ANKFN1: variants seen among roughly 807,000 people sequenced by gnomAD.
The protein encoded by ANKFN1 is ankyrin repeat and fibronectin type III domain containing 1.
A neutral mutation model predicts 108.7 loss-of-function variants in ANKFN1; 74 were observed. The ratio of observed to expected loss-of-function variants is 0.68; its 90% CI spans 0.56 to 0.83. The LOEUF (loss-of-function observed/expected upper bound fraction) is 0.83. Ranked by LOEUF, ANKFN1 falls within the 40% of genes least tolerant of loss-of-function variation. The pLI is 0.00. For synonymous variants in ANKFN1, 547 were observed against 516.2 expected, an observed-to-expected ratio of 1.06 and a Z score of -0.81; for missense variants, 1,505 against 1,382.3, an observed-to-expected ratio of 1.09 and a Z score of -1.41.
intron 20 of ANKFN1, among the ~76,000 whole-genome samples, chr17:56,500,112 G>A (rs1291362189): frequency 6.6e-6 from 1 of 152,196 alleles, no homozygotes; most frequent in Non-Finnish European, 1.5e-5. Context: ...CAGTTTCCAT[G>A]TATGTAAAAT....
At chr17:56,323,702 G>A (rs1057435170) in intron 3 of ANKFN1, among the ~76,000 whole-genome samples, 1 of 152,128 alleles carries the variant, frequency 6.6e-6, no homozygotes, top group African/African-American at 2.4e-5. Flanking sequence ...ATTACTTGAG[G>A]TGATTTATGT....
intron 8 of ANKFN1, among the ~76,000 whole-genome samples, chr17:56,433,607 C>T (rs1169023568): frequency 2.0e-5 from 3 of 151,984 alleles, no homozygotes; most frequent in East Asian, 1.9e-4. Flanking sequence ...TGTTCTCACT[C>T]ATAAGTGGAA....
upstream of ANKFN1, among the ~76,000 whole-genome samples, chr17:56,149,675 T>C (rs1908478736): frequency 6.6e-6 from 1 of 152,164 alleles, no homozygotes; most frequent in Non-Finnish European, 1.5e-5. Context: ...CCTCCCCAGA[T>C]GAGAAGCCTT....
intron 1 of ANKFN1, among the ~76,000 whole-genome samples, chr17:56,166,719 G>A (rs1234725568): frequency 2.6e-5 from 4 of 152,124 alleles, no homozygotes; most frequent in African/African-American, 9.7e-5. Flanking sequence ...ACTCTCCCTT[G>A]AAGCTGGACA....
intron 4 of ANKFN1, among the ~76,000 whole-genome samples, chr17:56,119,819 A>G (rs891300379): frequency 1.3e-5 from 2 of 152,200 alleles, no homozygotes; most frequent in African/African-American, 4.8e-5. Flanking sequence ...TAATAGCTTT[A>G]AGCTTCAGTT....
Position 56,099,872 on chromosome 17 carries a change from G to T in ANKFN1, c.288+53547G>T, listed in dbSNP as rs544991120. Among the ~76,000 whole-genome samples, 20 of 152,320 alleles carry T rather than the reference G, an allele frequency of 1.3e-4. 1 individual carries two copies. The South Asian group carries it at 4.1e-3, about 32-fold the overall frequency. On this transcript the variant is annotated intron_variant, in intron 4 of 12. Transcript: ENST00000635860. ...TCAAGTACTGGGACTCTAGCCAATG[G>T]GTAACTTTACAGAAGGACATTCACT... is the stretch of plus-strand genomic sequence containing the variant.
At chr17:56,217,562 C>T (rs1315838990) in intron 2 of ANKFN1, among the ~76,000 whole-genome samples, 1 of 152,096 alleles carries the variant, frequency 6.6e-6, no homozygotes, top group South Asian at 2.1e-4. Flanking sequence ...TGGCATGTGG[C>T]AGATAGAGGC....
rs1457881770 is a variant in ANKFN1 at position 56,516,184 on chromosome 17, T to C, written c.*4915T>C. 6.6e-6 allele frequency among the ~76,000 whole-genome samples: 1 copy of C among 152,064 alleles called. No individual in the cohort carries two copies. The highest frequency in any genetic ancestry group is 1.5e-5 in the Non-Finnish European group (1 of 68,018). On this transcript the variant is annotated 3_prime_UTR_variant, in exon 21 of 21. Coordinates refer to ENST00000682825, the MANE Select transcript of ANKFN1 (RefSeq NM_001370326.1). The stretch of plus-strand genomic sequence containing the variant: ...AGTCGCTGTATTGCCTCTTGCCTTG[T>C]GAAAATCAGATGTTTGGGGGTATCC...
At chr17:56,484,596 G>A (rs2050802798) in intron 18 of ANKFN1, among the ~76,000 whole-genome samples, 1 of 152,194 alleles carries the variant, frequency 6.6e-6, no homozygotes, top group African/African-American at 2.4e-5. Flanking sequence ...AAGGTGCTAA[G>A]TCAACATCCA....
intron 4 of ANKFN1, among the ~76,000 whole-genome samples, chr17:56,340,508 T>A (rs566920488): frequency 6.6e-6 from 1 of 152,270 alleles, no homozygotes; most frequent in East Asian, 1.9e-4. Context: ...GGGTTCCAGT[T>A]TCAGTCTTCT....
At chr17:56,343,232 A>G (rs1187507440) in intron 4 of ANKFN1, among the ~76,000 whole-genome samples, 1 of 151,536 alleles carries the variant, frequency 6.6e-6, no homozygotes, top group Non-Finnish European at 1.5e-5. Flanking sequence ...GATTTGCATT[A>G]CTATCTAGTG....
intron 5 of ANKFN1, among the ~76,000 whole-genome samples, chr17:56,352,104 T>C (rs950439725): frequency 6.6e-6 from 1 of 152,204 alleles, no homozygotes; most frequent in Non-Finnish European, 1.5e-5. Context: ...AGGACTTGGC[T>C]GTGGTTAAAT....
chr17:56,448,712 C>G (rs1401859461), intron 10 of ANKFN1, among the ~76,000 whole-genome samples: 5 of 152,124 alleles, frequency 3.3e-5, no homozygotes, highest in Non-Finnish European at 7.3e-5. Context: ...CCAGTTGAGA[C>G]TCGGGGTGCT....
chr17:56,449,142 T>C lies in ANKFN1; in HGVS notation c.1163T>C (p.Leu388Pro), dbSNP rs756122842. The C allele has an allele frequency of 6.2e-7, 1 of 1,613,570 alleles. No individual in the cohort carries two copies. Among genetic ancestry groups the C allele is most frequent in the Admixed American group, 1.7e-5 (1 of 59,986 alleles). Reference protein sequence around the residue: ...HKGQSEVLEGLLQQVRALHQH... With the variant: ...HKGQSEVLEGPLQQVRALHQH... ...GGACAGAGTGAAGTTTTGGAAGGTC[T>C]GCTGCAGCAGGTCCGAGCCCTTCAT... is the stretch of plus-strand genomic sequence containing the variant. Residue 388 changes from leucine (L) to proline (P), a missense_variant, in exon 11 of 21, where the codon CTG (leucine) becomes CCG (proline). Leu to Pro is a moderately conservative substitution (Grantham distance 98). Transcript: ENST00000682825.
chr17:56,491,398 A>G (rs1399900101), intron 18 of ANKFN1, among the ~76,000 whole-genome samples: 2 of 152,168 alleles, frequency 1.3e-5, no homozygotes, highest in African/African-American at 4.8e-5. Flanking sequence ...ACGGTATAAG[A>G]TCAGAGCTGG....
chr17:56,242,912 G>T (rs927896887), intron 3 of ANKFN1, among the ~76,000 whole-genome samples: 9 of 151,688 alleles, frequency 5.9e-5, no homozygotes, highest in African/African-American at 2.2e-4. Flanking sequence ...ATCTTTTTCT[G>T]CCTCTATGGA....
intron 11 of ANKFN1, 137 bp from the exon 12 acceptor site, chr17:56,456,724 C>A: frequency 1.4e-6 from 1 of 703,850 alleles, no homozygotes; most frequent in Non-Finnish European, 2.5e-6. Context: ...CATGAATGAG[C>A]AGAATCCCTA....
At chr17:56,083,657 A>T (rs1024765772) in intron 4 of ANKFN1, among the ~76,000 whole-genome samples, 10 of 151,318 alleles carry the variant, frequency 6.6e-5, no homozygotes, top group African/African-American at 2.4e-4. Flanking sequence ...TTCTGACTTT[A>T]AGCAAAAAGT....
intron 1 of ANKFN1, among the ~76,000 whole-genome samples, chr17:56,177,578 C>T (rs1278275952): frequency 3.3e-5 from 5 of 152,190 alleles, no homozygotes; most frequent in Admixed American, 1.3e-4. Context: ...ACATCAGTGA[C>T]TCCCACGTTC....
Sources: allele counts gnomAD v4.1 joint callset (sites outside exome capture counted in the v4.1 genomes callset), GRCh38; gene constraint gnomAD v4.1.1; transcripts MANE v1.5; gene names NCBI Gene and HGNC (gene_info 2026-07-23, HGNC 2026-07-21).